ETV1: variants seen among roughly 807,000 people sequenced by gnomAD.
ETV1 encodes the protein ETS translocation variant 1.
Under a neutral mutation model 62.3 loss-of-function variants are expected in ETV1, and 27 were observed. That is an observed-to-expected ratio of 0.43 (90% CI 0.32 to 0.60). ETV1 has a LOEUF of 0.60. Among genes scored for constraint, ETV1 ranks in the 20% least tolerant of loss-of-function variants. The probability of loss-of-function intolerance (pLI) is 0.06; values close to 1 mark genes in which losing one functional copy is unlikely to be tolerated. For missense variants in ETV1, 605 were observed against 605.8 expected, an observed-to-expected ratio of 1.00 and a Z score of 0.01; for synonymous variants, 222 against 199.6, an observed-to-expected ratio of 1.11 and a Z score of -0.94.
intron 13 of ETV1, among the ~76,000 whole-genome samples, chr7:13,896,693 A>AGAGAGAAAGAAAGAAAG (rs1562577552): frequency 1.4e-5 from 2 of 139,478 alleles, no homozygotes; most frequent in East Asian, 2.1e-4. Flanking sequence ...GAAAGAAAAG[A>AGAGAGAAAGAAAGAAAG]GAGAGAGAAA....
At chr7:13,981,252 A>G (rs1162475911) in intron 5 of ETV1, among the ~76,000 whole-genome samples, 2 of 152,142 alleles carry the variant, frequency 1.3e-5, no homozygotes, top group Non-Finnish European at 2.9e-5. Flanking sequence ...CTGCCCGTGA[A>G]TGAGACAGCT....
chr7:13,985,083 A>G (rs556921290), intron 5 of ETV1, among the ~76,000 whole-genome samples: 1 of 152,202 alleles, frequency 6.6e-6, no homozygotes, highest in African/African-American at 2.4e-5. Context: ...CTAAGAACCA[A>G]CAAACCTTCC....
intron 12 of ETV1, among the ~76,000 whole-genome samples, 166 bp from the exon 13 acceptor site, chr7:13,901,005 CTTTT>C (rs71974939): frequency 2.3e-5 from 3 of 132,160 alleles, no homozygotes; most frequent in African/African-American, 2.9e-5. Context: ...TCCTGGTTTG[CTTTT>C]TTTTTTTTTT....
At chr7:13,967,413 C>T (rs1233309424) in intron 6 of ETV1, among the ~76,000 whole-genome samples, 3 of 152,124 alleles carry the variant, frequency 2.0e-5, no homozygotes, top group Admixed American at 6.5e-5. Flanking sequence ...AAAACCATTG[C>T]ACAAAGGTAC....
chr7:13,924,684 A>C (rs942820632), intron 9 of ETV1, among the ~76,000 whole-genome samples: 1 of 152,226 alleles, frequency 6.6e-6, no homozygotes, highest in Non-Finnish European at 1.5e-5. Context: ...ACAAATCATG[A>C]ACTCTTCACT....
Position 13,932,272 on chromosome 7 carries a change from T to C in ETV1, c.555-523A>G, listed in dbSNP as rs182066279. On this transcript the variant is annotated intron_variant, in intron 8 of 13. Coordinates refer to ENST00000430479, the MANE Select transcript of ETV1 (RefSeq NM_004956.5). ...AAGCAAGAGAGGAATGACTTTTTTC[T>C]CAAATCAGGACTTTCAATTCCTCAA... Among the ~76,000 whole-genome samples the C allele has an allele frequency of 3.5e-4, 53 of 152,256 alleles. No individual in the cohort carries two copies. The Middle Eastern group carries it at 0.017, about 49-fold the overall frequency.
At position 13,979,672 on chromosome 7, in the gene ETV1, C is replaced by G. The variant is rs1781794740; in HGVS notation, c.182-2192G>C. Among the ~76,000 whole-genome samples the G allele has an allele frequency of 3.3e-5, 5 of 152,114 alleles. No individual in the cohort carries two copies. In the East Asian group the frequency reaches 9.7e-4, roughly 29 times the overall value. Reference sequence around the variant, plus strand: ...CTAAACAGATATAACTATTGAGATGCAAATATATCAACCACAACAATTACT... The same window carrying G: ...CTAAACAGATATAACTATTGAGATGGAAATATATCAACCACAACAATTACT... On this transcript the variant is annotated intron_variant, in intron 5 of 13. Coordinates refer to ENST00000430479, the MANE Select transcript of ETV1 (RefSeq NM_004956.5).
At chr7:13,896,752 G>GAAAGAAAGAA (rs1554288453) in intron 13 of ETV1, among the ~76,000 whole-genome samples, 3 of 94,724 alleles carry the variant, frequency 3.2e-5, no homozygotes, top group African/African-American at 9.2e-5. Context: ...AGGAAAGAAA[G>GAAAGAAAGAA]AAAGAAAGAA....
chr7:13,971,074 C>A (rs1780858435), intron 6 of ETV1, among the ~76,000 whole-genome samples: 2 of 152,136 alleles, frequency 1.3e-5, no homozygotes, highest in Admixed American at 6.5e-5. Context: ...CAGGTTCAAG[C>A]AATTCTCCTG....
At chr7:13,908,305 T>A (rs1276207632) in intron 11 of ETV1, among the ~76,000 whole-genome samples, 1 of 152,162 alleles carries the variant, frequency 6.6e-6, no homozygotes, top group Non-Finnish European at 1.5e-5. Context: ...CCTGTCAGAT[T>A]ATATTGTAAT....
intron 8 of ETV1, 114 bp downstream of exon 8, chr7:13,935,594 G>A (rs902226832): frequency 3.6e-6 from 3 of 826,492 alleles, no homozygotes; most frequent in South Asian, 1.7e-5. Flanking sequence ...TTGCACAGAT[G>A]TGCAAAATTA....
rs562147545 is a variant in ETV1 at position 13,948,410 on chromosome 7, A to G, written c.236-9164T>C. On this transcript the variant is annotated intron_variant, in intron 6 of 13. Transcript: ENST00000430479. ...TCTTCTCTAAACAGAAATAAAATCC[A>G]TAGTTTTGGAGGAAGAGCCTTGAAG... Among the ~76,000 whole-genome samples, 21 of 152,306 alleles carry G rather than the reference A, an allele frequency of 1.4e-4. No individual in the cohort carries two copies. In the East Asian group the frequency reaches 3.5e-3, roughly 25 times the overall value.
At chr7:13,897,302 T>C (rs1226537353) in intron 13 of ETV1, among the ~76,000 whole-genome samples, 2 of 152,220 alleles carry the variant, frequency 1.3e-5, no homozygotes, top group African/African-American at 4.8e-5. Context: ...TAGTTGATTT[T>C]TGATGTGGGG....
chr7:13,934,813 G>T (rs560886982), intron 8 of ETV1, among the ~76,000 whole-genome samples: 1 of 152,080 alleles, frequency 6.6e-6, no homozygotes, highest in African/African-American at 2.4e-5. Flanking sequence ...ATGGCTCGTA[G>T]TGGGCCATGA....
At chr7:13,914,018 G>A (rs1783860176) in intron 9 of ETV1, among the ~76,000 whole-genome samples, 2 of 151,344 alleles carry the variant, frequency 1.3e-5, no homozygotes, top group African/African-American at 4.9e-5. Flanking sequence ...TGAGTAGCTG[G>A]GACTACAGGC....
At chr7:13,958,259 T>G (rs929773674) in intron 6 of ETV1, among the ~76,000 whole-genome samples, 1 of 152,208 alleles carries the variant, frequency 6.6e-6, no homozygotes, top group African/African-American at 2.4e-5. Context: ...GACATTTTCA[T>G]TCTCAGAAAT....
intron 8 of ETV1, among the ~76,000 whole-genome samples, chr7:13,932,048 A>C (rs993313233): frequency 4.0e-5 from 6 of 149,240 alleles, no homozygotes; most frequent in East Asian, 3.9e-4. Context: ...ACACACCCAC[A>C]CACACACACA....
At position 13,928,237 on chromosome 7, in the gene ETV1, T is replaced by C. The variant is rs759816586; in HGVS notation, c.802+3265A>G. 7.9e-5 allele frequency among the ~76,000 whole-genome samples: 12 copies of C among 152,332 alleles called. No homozygotes were observed. The Middle Eastern group carries it at 0.01, about 130-fold the overall frequency. On this transcript the variant is annotated intron_variant, in intron 9 of 13. Transcript: ENST00000430479. ...GTTCACATCTTCTTAAGAAAAGTTA[T>C]ACATTCTCAATACCACACTACATAT...
At chr7:13,963,367 TAA>T (rs1790409090) in intron 6 of ETV1, among the ~76,000 whole-genome samples, 1 of 152,048 alleles carries the variant, frequency 6.6e-6, no homozygotes, top group South Asian at 2.1e-4. Flanking sequence ...ATGCCAAACC[TAA>T]AGAGTCTAAA....
Sources: allele counts gnomAD v4.1 joint callset (sites outside exome capture counted in the v4.1 genomes callset), GRCh38; gene constraint gnomAD v4.1.1; transcripts MANE v1.5; gene names NCBI Gene and HGNC (gene_info 2026-07-23, HGNC 2026-07-21).